WBP2NL: variants seen among roughly 807,000 people sequenced by gnomAD.
WBP2NL encodes the protein WBP2 N-terminal like.
Under a neutral mutation model 23.3 loss-of-function variants are expected in WBP2NL, and 27 were observed. That is an observed-to-expected ratio of 1.16 (90% CI 0.85 to 1.60). The LOEUF is 1.60. Ranked by LOEUF, WBP2NL falls within the 40% of genes most tolerant of loss-of-function variation. The probability of loss-of-function intolerance (pLI) is 0.00; values close to 1 mark genes in which losing one functional copy is unlikely to be tolerated. For missense variants in WBP2NL, 370 were observed against 389.5 expected (o/e 0.95, Z 0.42); for synonymous variants, 151 against 145.9 (o/e 1.03, Z -0.25).
chr22:42,006,476 G>T (rs133318), intron 1 of WBP2NL, among the ~76,000 whole-genome samples: 1 of 151,910 alleles, frequency 6.6e-6, no homozygotes, highest in African/African-American at 2.4e-5. Context: ...CTCGTGATCC[G>T]CCCACCTCAG....
chr22:42,044,778 A>C (rs1169873357), intron 8 of WBP2NL, among the ~76,000 whole-genome samples: 9 of 152,120 alleles, frequency 5.9e-5, no homozygotes, highest in Non-Finnish European at 1.0e-4. Context: ...GCATTCCAGC[A>C]TGGGTGACAG....
chr22:42,037,255 A>G (rs1468890568), downstream of WBP2NL, among the ~76,000 whole-genome samples: 1 of 151,698 alleles, frequency 6.6e-6, no homozygotes, highest in African/African-American at 2.4e-5. Flanking sequence ...TAAGTTGTTC[A>G]TTAATATGTG....
downstream of WBP2NL, among the ~76,000 whole-genome samples, chr22:42,035,360 C>A (rs1169987945): frequency 6.6e-6 from 1 of 152,252 alleles, no homozygotes; most frequent in Non-Finnish European, 1.5e-5. Flanking sequence ...GAGGGTGGAG[C>A]TCCCACCTGC....
intron 8 of WBP2NL, among the ~76,000 whole-genome samples, chr22:42,052,476 C>T (rs1258586918): frequency 6.6e-6 from 1 of 152,062 alleles, no homozygotes; most frequent in Non-Finnish European, 1.5e-5. Context: ...GACAGGGTTT[C>T]ACTATGTTGG....
In WBP2NL at chr22:42,026,919, G is replaced by C; in HGVS notation, c.668G>C (p.Gly223Ala). 1 of 1,608,920 alleles carries C rather than the reference G, an allele frequency of 6.2e-7. No homozygotes were observed. The highest frequency in any genetic ancestry group is 8.5e-7 in the Non-Finnish European group (1 of 1,178,692). ...SPVRYGAPPL[G>A]YGAPPAGYGA... ...GTGCGATATGGAGCCCCACCTCTTG[G>C]ATACGGAGCCCCACCTGCAGGATAT... The change falls in exon 6 of 6, where the codon GGA becomes GCA. Residue 223 changes from glycine (G) to alanine (A), a missense_variant. By Grantham distance (60) the Gly-to-Ala change is moderately conservative. Coordinates refer to ENST00000328823, the MANE Select transcript of WBP2NL (RefSeq NM_152613.3).
intron 8 of WBP2NL, among the ~76,000 whole-genome samples, chr22:42,043,202 G>A (rs984733858): frequency 4.6e-5 from 7 of 152,066 alleles, no homozygotes; most frequent in African/African-American, 1.4e-4. Context: ...CCAGGTTCAT[G>A]GAGCAGTACA....
Position 42,024,030 on chromosome 22 carries a change from GCTTT to G in WBP2NL, c.514+1677_514+1680del. Among the ~76,000 whole-genome samples the G allele has an allele frequency of 3.3e-5, 5 of 152,164 alleles. No individual in the cohort carries two copies. In the Middle Eastern group the frequency reaches 0.017, roughly 518 times the overall value. ...CTGATCCCCTGGTATCCTCTAATCT[GCTTT>G]CTGTCTTTATTGATTCACCTATTGT... On this transcript the variant is annotated intron_variant, in intron 5 of 5. Transcript: ENST00000328823.
intron 1 of WBP2NL, among the ~76,000 whole-genome samples, chr22:42,013,357 G>T (rs1283052081): frequency 6.7e-6 from 1 of 149,564 alleles, no homozygotes; most frequent in African/African-American, 2.5e-5. Flanking sequence ...TTGCACTCTA[G>T]CCTGGGCAAC....
intron 3 of WBP2NL, 42 bp downstream of exon 3, chr22:42,019,845 A>G (rs762559184): frequency 1.2e-6 from 2 of 1,608,278 alleles, no homozygotes; most frequent in South Asian, 2.2e-5. Flanking sequence ...TTTCCCTCAA[A>G]ATCTTCTAAA....
chr22:42,038,047 T>C (rs957839447), intron 8 of WBP2NL, among the ~76,000 whole-genome samples: 6 of 152,232 alleles, frequency 3.9e-5, no homozygotes, highest in African/African-American at 1.4e-4. Context: ...CCTTTCCTTG[T>C]TCTGTATCTT....
intron 8 of WBP2NL, among the ~76,000 whole-genome samples, chr22:42,040,899 C>T (rs574809051): frequency 8.5e-5 from 13 of 152,244 alleles, no homozygotes; most frequent in Non-Finnish European, 1.5e-4. Flanking sequence ...TTGGCTAAAA[C>T]GTTCTGTATG....
chr22:42,018,047 G>T (rs2146783022), intron 1 of WBP2NL, among the ~76,000 whole-genome samples: 1 of 151,896 alleles, frequency 6.6e-6, no homozygotes, highest in Non-Finnish European at 1.5e-5. Flanking sequence ...TATTTGGGAG[G>T]CAGAGGCAGG....
chr22:42,003,671 C>G (rs1921930614), intron 1 of WBP2NL, among the ~76,000 whole-genome samples: 1 of 152,062 alleles, frequency 6.6e-6, no homozygotes, highest in African/African-American at 2.4e-5. Context: ...TCAAAAAGAT[C>G]ATGGAAAATA....
chr22:42,004,761 T>C (rs1922048062), intron 1 of WBP2NL, among the ~76,000 whole-genome samples: 1 of 151,582 alleles, frequency 6.6e-6, no homozygotes, highest in African/African-American at 2.4e-5. Flanking sequence ...CCATCTCTAC[T>C]AAAAATACAA....
chr22:42,026,627 G>A (rs1924521110), intron 5 of WBP2NL, 139 bp from the exon 6 acceptor site: 9 of 1,366,820 alleles, frequency 6.6e-6, no homozygotes, highest in Non-Finnish European at 8.9e-6. Flanking sequence ...GATAGCTAGA[G>A]GAAATAGCTT....
At chr22:42,016,633 C>T (rs1159807715) in intron 1 of WBP2NL, among the ~76,000 whole-genome samples, 1 of 152,180 alleles carries the variant, frequency 6.6e-6, no homozygotes, top group Admixed American at 6.6e-5. Context: ...TTGATTCTGA[C>T]AGGTTTTCTT....
Position 42,027,949 on chromosome 22 carries a change from G to A in WBP2NL, c.*768G>A, listed in dbSNP as rs187836145. On this transcript the variant is annotated 3_prime_UTR_variant, in exon 6 of 6. Transcript: ENST00000328823. ...TTTGAAAAGATGTTCAGCTTGACTA[G>A]TGTTAGGGAAATGCAACCTGAGATG... The A allele has an allele frequency of 5.9e-4, 237 of 398,466 alleles. 2 individuals are homozygous for A. In the Middle Eastern group the frequency reaches 0.016, roughly 27 times the overall value. The allele number at this position is 398,466 out of a possible 1,614,324, so 24.7% of individuals were successfully genotyped here. A position where few individuals can be genotyped will look rare whatever the true frequency, so the allele number is the denominator to read the frequency against.
At chr22:42,057,912 T>TACA (rs1926146460) in intron 8 of WBP2NL, among the ~76,000 whole-genome samples, 6 of 65,962 alleles carry the variant, frequency 9.1e-5, no homozygotes, top group African/African-American at 4.1e-4. Flanking sequence ...TTTTTTTTTT[T>TACA]TTTTTTTTTT....
intron 8 of WBP2NL, among the ~76,000 whole-genome samples, chr22:42,057,551 CTT>C (rs11302032): frequency 9.6e-5 from 14 of 146,314 alleles, no homozygotes; most frequent in South Asian, 4.3e-4. Context: ...TAGAATTCAA[CTT>C]TTTTTTTTTT....
Sources: allele counts gnomAD v4.1 joint callset (sites outside exome capture counted in the v4.1 genomes callset), GRCh38; gene constraint gnomAD v4.1.1; transcripts MANE v1.5; gene names NCBI Gene and HGNC (gene_info 2026-07-23, HGNC 2026-07-21).